Variants in SGCD observed in about 807,000 individuals in gnomAD.
SGCD encodes the protein delta-sarcoglycan.
A neutral mutation model predicts 36.6 loss-of-function variants in SGCD; 18 were observed. The observed-to-expected ratio is 0.49, with a 90% confidence interval of 0.34 to 0.73. SGCD has a LOEUF of 0.73. Ranked by LOEUF, SGCD falls within the 30% of genes least tolerant of loss-of-function variation. The pLI is 0.01. For missense variants in SGCD, 387 were observed against 346.7 expected, an observed-to-expected ratio of 1.12 and a Z score of -0.92; for synonymous variants, 133 against 130.6, an observed-to-expected ratio of 1.02 and a Z score of -0.12.
chr5:155,733,741 G>A, the SGCD span, among the ~76,000 whole-genome samples: 1 of 152,158 alleles, frequency 6.6e-6, no homozygotes, highest in East Asian at 1.9e-4. Flanking sequence ...TGGGCCCCGA[G>A]TGCAGACAAC....
chr5:156,160,770 T>C (rs1437921042), intron 3 of SGCD, among the ~76,000 whole-genome samples: 1 of 151,738 alleles, frequency 6.6e-6, no homozygotes, highest in Non-Finnish European at 1.5e-5. Flanking sequence ...AGCTTATTGT[T>C]TGAAGCTACT....
intron 3 of SGCD, among the ~76,000 whole-genome samples, chr5:156,436,399 AT>A (rs1753248884): frequency 6.6e-6 from 1 of 152,238 alleles, no homozygotes; most frequent in South Asian, 2.1e-4. Flanking sequence ...TTCTTATCAT[AT>A]TGAAATCAGT....
chr5:156,083,036 T>G (rs534769191), intron 1 of SGCD, among the ~76,000 whole-genome samples: 164 of 152,312 alleles, frequency 1.1e-3, no homozygotes, highest in Non-Finnish European at 1.8e-3. Flanking sequence ...GAACATCTTT[T>G]CATATGCTTA....
intron 1 of SGCD, among the ~76,000 whole-genome samples, chr5:156,015,699 A>G (rs1159864295): frequency 6.6e-6 from 1 of 151,472 alleles, no homozygotes; most frequent in Non-Finnish European, 1.5e-5. Context: ...TAACGAATGA[A>G]TGATATATGA....
chr5:156,027,069 A>G (rs256628), intron 1 of SGCD, among the ~76,000 whole-genome samples: 56,129 of 152,088 alleles, frequency 0.37, 10,724 homozygotes, highest in East Asian at 0.46. Flanking sequence ...CTTGCTGTTA[A>G]CCAGCAGTAT....
At chr5:156,247,706 G>A (rs982622400) in intron 3 of SGCD, among the ~76,000 whole-genome samples, 3 of 152,144 alleles carry the variant, frequency 2.0e-5, no homozygotes, top group African/African-American at 4.8e-5. Flanking sequence ...AATACACAAC[G>A]GAGGTTAGTT....
intron 1 of SGCD, among the ~76,000 whole-genome samples, chr5:155,891,379 G>C (rs1337050516): frequency 6.6e-6 from 1 of 151,790 alleles, no homozygotes. Flanking sequence ...TATCTCCTTG[G>C]GCCTCAGTTT....
chr5:156,374,260 C>T (rs1408036466), intron 3 of SGCD, among the ~76,000 whole-genome samples: 1 of 152,086 alleles, frequency 6.6e-6, no homozygotes, highest in Non-Finnish European at 1.5e-5. Context: ...AAACCTGTGC[C>T]ACAGAAAATA....
intron 3 of SGCD, among the ~76,000 whole-genome samples, chr5:156,139,834 A>C (rs982235896): frequency 6.6e-6 from 1 of 152,238 alleles, no homozygotes; most frequent in African/African-American, 2.4e-5. Context: ...TTTGCAATGC[A>C]ACATTGTTAA....
chr5:155,937,010 G>T (rs111333075), intron 1 of SGCD, among the ~76,000 whole-genome samples: 34 of 151,386 alleles, frequency 2.2e-4, no homozygotes, highest in Non-Finnish European at 3.4e-4. Flanking sequence ...GCCAGGGAGT[G>T]GGGGGAGAGA....
At chr5:156,615,808 T>A (rs542504826) in intron 6 of SGCD, among the ~76,000 whole-genome samples, 33 of 152,362 alleles carry the variant, frequency 2.2e-4, no homozygotes, top group African/African-American at 7.9e-4. Context: ...AAAGTGCCTA[T>A]AAAATCCAGC....
chr5:156,001,105 T>A (rs1020059760), intron 1 of SGCD, among the ~76,000 whole-genome samples: 1 of 152,236 alleles, frequency 6.6e-6, no homozygotes, highest in African/African-American at 2.4e-5. Flanking sequence ...TGGGGTCTAC[T>A]ACCTGCTTGG....
intron 3 of SGCD, among the ~76,000 whole-genome samples, chr5:156,297,734 C>A (rs1334337956): frequency 2.0e-5 from 3 of 151,282 alleles, no homozygotes; most frequent in Non-Finnish European, 2.9e-5. Context: ...ACATGTATAC[C>A]TATGTAACTA....
chr5:156,473,425 T>C (rs1219688535), intron 3 of SGCD, among the ~76,000 whole-genome samples: 1 of 152,224 alleles, frequency 6.6e-6, no homozygotes, highest in African/African-American at 2.4e-5. Context: ...TCATGCAGGA[T>C]AGAGAGGGAC....
chr5:156,262,928 C>CAT (rs751681899), intron 3 of SGCD, among the ~76,000 whole-genome samples: 349 of 146,450 alleles, frequency 2.4e-3, no homozygotes, highest in Middle Eastern at 3.5e-3. Context: ...TGTGTGTATA[C>CAT]ATATATATAT....
chr5:155,952,988 A>G (rs1757575401), intron 1 of SGCD, among the ~76,000 whole-genome samples: 1 of 152,196 alleles, frequency 6.6e-6, no homozygotes, highest in Non-Finnish European at 1.5e-5. Flanking sequence ...ACCTTTAGAA[A>G]CACTGAAAGA....
In SGCD at chr5:155,944,208, A is replaced by G. The variant is rs571902615; in HGVS notation, c.-282+73784A>G. 9.2e-5 allele frequency among the ~76,000 whole-genome samples: 14 copies of G among 152,330 alleles called. No homozygotes were observed. In the East Asian group the frequency reaches 2.7e-3, roughly 29 times the overall value. On this transcript the variant is annotated intron_variant, in intron 1 of 9. Transcript: ENST00000517913. ...TGTGAGTTGTTTCCTTTAGTCACAC[A>G]GTAATATATACTTACTGTAAATTAA...
chr5:156,724,331 G>A (rs931543359), intron 7 of SGCD, among the ~76,000 whole-genome samples: 8 of 152,208 alleles, frequency 5.3e-5, no homozygotes, highest in East Asian at 1.9e-4. Flanking sequence ...ATACCCGGGC[G>A]TGGTGGCTCA....
chr5:156,100,476 T>A (rs1761495024), intron 1 of SGCD, among the ~76,000 whole-genome samples: 1 of 152,302 alleles, frequency 6.6e-6, no homozygotes, highest in African/African-American at 2.4e-5. Context: ...TGTGTTTTCA[T>A]TTTTTAGCAT....
Sources: allele counts gnomAD v4.1 joint callset (sites outside exome capture counted in the v4.1 genomes callset), GRCh38; gene constraint gnomAD v4.1.1; transcripts MANE v1.5; gene names NCBI Gene and HGNC (gene_info 2026-07-23, HGNC 2026-07-21).